The following MTUS2 variants were observed in gnomAD, a reference collection of about 807,000 sequenced individuals.
MTUS2 encodes the protein microtubule associated scaffold protein 2.
Under a neutral mutation model 114.1 loss-of-function variants are expected in MTUS2, and 40 were observed. The observed-to-expected ratio is 0.35, with a 90% CI of 0.27 to 0.46. The LOEUF is 0.46. MTUS2 is among the 20% of genes least tolerant of loss of function. The pLI, the probability that MTUS2 is intolerant of heterozygous loss-of-function variation, is 1.00. For synonymous variants in MTUS2, 688 were observed against 672.0 expected (o/e 1.02, Z -0.37); for missense variants, 1,679 against 1,705.4 (o/e 0.98, Z 0.27).
chr13:29,269,426 T>C (rs1257129558), intron 5 of MTUS2, among the ~76,000 whole-genome samples: 3 of 152,060 alleles, frequency 2.0e-5, no homozygotes, highest in Non-Finnish European at 1.5e-5. Context: ...AAGGAAATCA[T>C]GGGAAGAAAT....
At chr13:29,307,520 G>A in intron 6 of MTUS2, 1 of 1,266,226 alleles carries the variant, frequency 7.9e-7, no homozygotes, top group Non-Finnish European at 1.1e-6. Context: ...CTGACCTGCT[G>A]TCTTGAAAAA....
At chr13:29,398,671 G>T (rs908730861) in intron 8 of MTUS2, among the ~76,000 whole-genome samples, 2 of 152,054 alleles carry the variant, frequency 1.3e-5, no homozygotes, top group African/African-American at 4.8e-5. Context: ...AAAGCTCCTA[G>T]AGGAATGGAT....
At chr13:29,053,733 T>C (rs1024489897) in intron 4 of MTUS2, among the ~76,000 whole-genome samples, 23 of 152,230 alleles carry the variant, frequency 1.5e-4, no homozygotes, top group African/African-American at 5.5e-4. Context: ...CTCATGTTAT[T>C]ACATGCATTT....
chr13:29,261,894 T>G (rs545607811), intron 5 of MTUS2, among the ~76,000 whole-genome samples: 1 of 144,124 alleles, frequency 6.9e-6, no homozygotes, highest in Admixed American at 7.0e-5. Flanking sequence ...GTCTAATTGA[T>G]ATAAAAGAGG....
chr13:29,268,296 G>T (rs1897744402), intron 5 of MTUS2, among the ~76,000 whole-genome samples: 1 of 152,180 alleles, frequency 6.6e-6, no homozygotes, highest in Non-Finnish European at 1.5e-5. Flanking sequence ...CAGCGGATTT[G>T]AGGAAGAGGC....
intron 5 of MTUS2, among the ~76,000 whole-genome samples, chr13:29,204,031 C>T (rs1895077860): frequency 6.6e-6 from 1 of 151,888 alleles, no homozygotes; most frequent in South Asian, 2.1e-4. Context: ...ATGATCTTGG[C>T]TCATTGCAAC....
intron 8 of MTUS2, among the ~76,000 whole-genome samples, chr13:29,404,510 G>A (rs1874607827): frequency 6.6e-6 from 1 of 152,160 alleles, no homozygotes; most frequent in Non-Finnish European, 1.5e-5. Context: ...TTCAAGACCA[G>A]TATTTGTCCC....
chr13:29,312,963 T>C (rs1899834883), intron 6 of MTUS2, among the ~76,000 whole-genome samples: 4 of 152,230 alleles, frequency 2.6e-5, no homozygotes, highest in Admixed American at 2.6e-4. Flanking sequence ...TCAAGGTTCA[T>C]GTTATTTTCC....
At chr13:29,245,883 G>A (rs1284181521) in intron 5 of MTUS2, among the ~76,000 whole-genome samples, 3 of 151,980 alleles carry the variant, frequency 2.0e-5, no homozygotes, top group Non-Finnish European at 2.9e-5. Flanking sequence ...TTTTTTAGAA[G>A]AGACGGGGTT....
intron 2 of MTUS2, among the ~76,000 whole-genome samples, chr13:28,888,816 C>A (rs573493489): frequency 6.6e-6 from 1 of 151,926 alleles, no homozygotes; most frequent in African/African-American, 2.4e-5. Context: ...AGAGATATTT[C>A]GAGAGAGAGA....
intron 5 of MTUS2, among the ~76,000 whole-genome samples, chr13:29,139,488 A>G (rs1157561466): frequency 6.6e-6 from 1 of 152,156 alleles, no homozygotes; most frequent in Admixed American, 6.5e-5. Flanking sequence ...ATTTCCCCCC[A>G]TTTGAGATGT....
At chr13:28,844,651 CTG>C (rs1405916055) in intron 2 of MTUS2, among the ~76,000 whole-genome samples, 1 of 151,756 alleles carries the variant, frequency 6.6e-6, no homozygotes, top group African/African-American at 2.4e-5. Flanking sequence ...GAGTCTAACT[CTG>C]TAGCCCAAGC....
In MTUS2 at chr13:29,503,282, C is replaced by T. The variant is rs534011441; in HGVS notation, c.*76C>T. 18 of 1,528,426 alleles carry T rather than the reference C, an allele frequency of 1.2e-5. No individual in the cohort carries two copies. The highest frequency in any genetic ancestry group is 3.5e-5 in the Admixed American group (2 of 57,688). The allele number at this position is 1,528,426 out of a possible 1,614,324, so 94.7% of individuals were successfully genotyped here. On this transcript the variant is annotated 3_prime_UTR_variant, in exon 16 of 16. Transcript: ENST00000612955. The stretch of plus-strand genomic sequence containing the variant: ...CCCTGAGGGAGCACCGACCCGGTGC[C>T]GCCGGAGCTGGCCCTGTGCGCATGC...
chr13:29,402,785 G>A (rs983126316), intron 8 of MTUS2, among the ~76,000 whole-genome samples: 5 of 152,078 alleles, frequency 3.3e-5, no homozygotes, highest in African/African-American at 1.2e-4. Flanking sequence ...TTCAGATGGA[G>A]TCTCGCTCTG....
chr13:29,333,342 C>T (rs1469302019), intron 7 of MTUS2, among the ~76,000 whole-genome samples: 1 of 152,116 alleles, frequency 6.6e-6, no homozygotes, highest in African/African-American at 2.4e-5. Context: ...GGATTATAGG[C>T]ATGCACCACC....
intron 8 of MTUS2, among the ~76,000 whole-genome samples, chr13:29,406,273 G>A (rs1874748435): frequency 6.6e-6 from 1 of 152,102 alleles, no homozygotes; most frequent in Non-Finnish European, 1.5e-5. Context: ...TGAGGGTCGG[G>A]TATCTGGGAG....
intron 5 of MTUS2, among the ~76,000 whole-genome samples, chr13:29,258,296 A>G (rs1897346417): frequency 6.6e-6 from 1 of 152,152 alleles, no homozygotes; most frequent in South Asian, 2.1e-4. Context: ...ATTCCTTGCT[A>G]TGTGGTCCCC....
chr13:29,236,764 T>C (rs990424287), intron 5 of MTUS2, among the ~76,000 whole-genome samples: 4 of 152,200 alleles, frequency 2.6e-5, no homozygotes, highest in East Asian at 1.9e-4. Flanking sequence ...TCCTGCCTTC[T>C]TCCATGCAGG....
At chr13:29,328,243 T>G (rs1900612683) in intron 7 of MTUS2, among the ~76,000 whole-genome samples, 1 of 152,256 alleles carries the variant, frequency 6.6e-6, no homozygotes, top group Non-Finnish European at 1.5e-5. Flanking sequence ...AAAATATGTT[T>G]AAAGAGGTAC....
Sources: allele counts gnomAD v4.1 joint callset (sites outside exome capture counted in the v4.1 genomes callset), GRCh38; gene constraint gnomAD v4.1.1; transcripts MANE v1.5; gene names NCBI Gene and HGNC (gene_info 2026-07-23, HGNC 2026-07-21).